The following CCDC171 variants were observed in gnomAD, a reference collection of about 807,000 sequenced individuals.
CCDC171 encodes coiled-coil domain-containing protein 171.
CCDC171 carries 177 observed loss-of-function variants against 168.2 expected under a neutral mutation model. That is an observed-to-expected ratio of 1.05 (90% CI 0.93 to 1.19). The LOEUF (loss-of-function observed/expected upper bound fraction) is 1.19, where lower values mean the gene tolerates loss of function less well. Among genes scored for constraint, CCDC171 ranks in the 50% most tolerant of loss-of-function variants. The pLI, the probability that CCDC171 is intolerant of heterozygous loss-of-function variation, is 0.00. For missense variants in CCDC171, 1,991 were observed against 1,539.0 expected (o/e 1.29, Z -4.91); for synonymous variants, 687 against 540.8 (o/e 1.27, Z -3.75).
chr9:15,606,160 A>G (rs1587360700), intron 6 of CCDC171, among the ~76,000 whole-genome samples: 1 of 152,206 alleles, frequency 6.6e-6, no homozygotes, highest in African/African-American at 2.4e-5. Context: ...ATTGTACTGT[A>G]TTCACTTATT....
intron 3 of CCDC171, among the ~76,000 whole-genome samples, chr9:15,985,020 T>A (rs1831939960): frequency 6.6e-6 from 1 of 152,186 alleles, no homozygotes; most frequent in Non-Finnish European, 1.5e-5. Context: ...GCATCAAACA[T>A]ATCTACCAGT....
At chr9:15,700,035 G>A (rs1295612919) in intron 11 of CCDC171, among the ~76,000 whole-genome samples, 18 of 152,330 alleles carry the variant, frequency 1.2e-4, no homozygotes, top group African/African-American at 3.8e-4. Flanking sequence ...GTCCCGTGCC[G>A]TGTGACCGCA....
At chr9:15,787,176 G>A (rs1379569308) in intron 21 of CCDC171, among the ~76,000 whole-genome samples, 2 of 151,926 alleles carry the variant, frequency 1.3e-5, no homozygotes, top group Non-Finnish European at 2.9e-5. Context: ...TGTATGCATT[G>A]TGGAATGATC....
intron 18 of CCDC171, among the ~76,000 whole-genome samples, chr9:15,772,328 C>T (rs1259340371): frequency 6.6e-6 from 1 of 152,124 alleles, no homozygotes; most frequent in Non-Finnish European, 1.5e-5. Flanking sequence ...GTGTGTTTTA[C>T]AGTAAGACAA....
At chr9:15,561,717 G>A (rs572634128) in intron 1 of CCDC171, among the ~76,000 whole-genome samples, 42 of 152,098 alleles carry the variant, frequency 2.8e-4, no homozygotes, top group African/African-American at 9.4e-4. Flanking sequence ...GCCACTGACC[G>A]TATCAACTTT....
intron 7 of CCDC171, among the ~76,000 whole-genome samples, chr9:15,624,841 C>G (rs1285866587): frequency 6.6e-6 from 1 of 152,142 alleles, no homozygotes; most frequent in African/African-American, 2.4e-5. Context: ...AATGGGATCA[C>G]TGGGTTAAAT....
intron 6 of CCDC171, among the ~76,000 whole-genome samples, chr9:16,028,470 TA>T (rs1385325881): frequency 1.3e-5 from 2 of 152,192 alleles, no homozygotes; most frequent in African/African-American, 4.8e-5. Flanking sequence ...CAGTCAGGGT[TA>T]CCAGATGAAA....
At chr9:15,807,847 C>T (rs2059150232) in intron 21 of CCDC171, among the ~76,000 whole-genome samples, 1 of 151,048 alleles carries the variant, frequency 6.6e-6, no homozygotes, top group Non-Finnish European at 1.5e-5. Flanking sequence ...GCCGTTTCTG[C>T]TTGGAATCTT....
intron 25 of CCDC171, among the ~76,000 whole-genome samples, chr9:15,937,399 G>C (rs560078821): frequency 2.0e-5 from 3 of 152,006 alleles, no homozygotes; most frequent in Non-Finnish European, 4.4e-5. Flanking sequence ...TTAGACTCAT[G>C]TATTTACACC....
chr9:16,055,465 T>C (rs1833824540), intron 1 of CCDC171, among the ~76,000 whole-genome samples: 1 of 152,150 alleles, frequency 6.6e-6, no homozygotes, highest in Non-Finnish European at 1.5e-5. Context: ...AAGAACCTGC[T>C]GAGGGAGGGC....
At chr9:15,828,985 G>A (rs1363371634) in intron 21 of CCDC171, among the ~76,000 whole-genome samples, 2 of 152,162 alleles carry the variant, frequency 1.3e-5, no homozygotes, top group East Asian at 3.8e-4. Context: ...TAGGAGAATG[G>A]TGAGTCCAAA....
intron 24 of CCDC171, among the ~76,000 whole-genome samples, chr9:15,915,666 C>T (rs1824401320): frequency 6.6e-6 from 1 of 151,984 alleles, no homozygotes; most frequent in African/African-American, 2.4e-5. Context: ...ATAAAAGTGG[C>T]AAAAAGTGGA....
chr9:15,939,149 C>T (rs1393235444), intron 25 of CCDC171, among the ~76,000 whole-genome samples: 1 of 150,738 alleles, frequency 6.6e-6, no homozygotes, highest in Non-Finnish European at 1.5e-5. Flanking sequence ...ATTATGTCTA[C>T]ACCTATTTAT....
chr9:16,079,769 T>G, the CCDC171 span, among the ~76,000 whole-genome samples: 2 of 152,144 alleles, frequency 1.3e-5, no homozygotes, highest in African/African-American at 4.8e-5. Flanking sequence ...GAATCTCTGT[T>G]TATGAAAAAG....
At chr9:15,627,490 T>A (rs770855401) in intron 7 of CCDC171, among the ~76,000 whole-genome samples, 6 of 152,214 alleles carry the variant, frequency 3.9e-5, no homozygotes, top group Non-Finnish European at 8.8e-5. Flanking sequence ...CTGGTTTGAA[T>A]GTGTCCCAGA....
At chr9:16,001,968 C>G (rs142482182) in intron 3 of CCDC171, among the ~76,000 whole-genome samples, 150 of 150,976 alleles carry the variant, frequency 9.9e-4, no homozygotes, top group African/African-American at 3.4e-3. Context: ...CTCCGAGTAG[C>G]TGGGACTACA....
chr9:15,873,428 T>C (rs1302117035), intron 23 of CCDC171, among the ~76,000 whole-genome samples: 1 of 152,136 alleles, frequency 6.6e-6, no homozygotes, highest in Non-Finnish European at 1.5e-5. Flanking sequence ...ATGCAATTTT[T>C]ATAGTTAACC....
intron 8 of CCDC171, 132 bp from the exon 9 acceptor site, chr9:15,666,028 CTTT>C (rs1261062488): frequency 4.3e-6 from 3 of 698,938 alleles, no homozygotes; most frequent in African/African-American, 1.8e-5. Context: ...ATTTATTTTT[CTTT>C]TTTAAGCCAA....
intron 11 of CCDC171, among the ~76,000 whole-genome samples, chr9:15,695,973 C>A (rs1564229579): frequency 6.6e-6 from 1 of 152,122 alleles, no homozygotes; most frequent in African/African-American, 2.4e-5. Flanking sequence ...TTCACTATTT[C>A]TACTTTCTTA....
Sources: gnomAD v4.1 joint callset for allele counts (sites outside exome capture counted in the v4.1 genomes callset) on GRCh38, gnomAD v4.1.1 for gene constraint, MANE v1.5 for transcripts, NCBI Gene and HGNC (gene_info 2026-07-23, HGNC 2026-07-21) for gene names.